KTN1: variants seen among roughly 807,000 people sequenced by gnomAD.
KTN1 encodes kinectin 1.
In KTN1, 130 loss-of-function variants were observed where a neutral mutation model predicts 222.5. That is an observed-to-expected ratio of 0.58 (90% CI 0.51 to 0.68). The LOEUF (loss-of-function observed/expected upper bound fraction) is 0.68. Ranked by LOEUF, KTN1 falls within the 30% of genes least tolerant of loss-of-function variation. The pLI is 0.00. For missense variants in KTN1, 1,508 were observed against 1,500.4 expected (o/e 1.01, Z -0.08); for synonymous variants, 512 against 496.3 (o/e 1.03, Z -0.42).
chr14:55,628,052 G>A, intron 6 of KTN1, 24 bp downstream of exon 6: 1 of 1,352,878 alleles, frequency 7.4e-7, no homozygotes, highest in African/African-American at 1.4e-5. Context: ...TATGTACGAG[G>A]GATATACTTC....
intron 1 of KTN1, among the ~76,000 whole-genome samples, chr14:55,593,677 C>T (rs1196649361): frequency 6.6e-6 from 1 of 151,858 alleles, no homozygotes; most frequent in East Asian, 1.9e-4. Context: ...GGAACGTGAA[C>T]GAACACTAGC....
intron 1 of KTN1, among the ~76,000 whole-genome samples, chr14:55,582,836 C>T (rs1208811679): frequency 6.6e-6 from 1 of 152,052 alleles, no homozygotes; most frequent in Non-Finnish European, 1.5e-5. Flanking sequence ...TGAGAATACA[C>T]CTTATGACCT....
intron 1 of KTN1, among the ~76,000 whole-genome samples, chr14:55,594,307 A>C (rs1212176689): frequency 6.6e-6 from 1 of 152,082 alleles, no homozygotes; most frequent in Non-Finnish European, 1.5e-5. Context: ...CAAATCTTTT[A>C]ATCTTGTTGA....
At chr14:55,589,308 C>A (rs1234794454) in intron 1 of KTN1, among the ~76,000 whole-genome samples, 2 of 151,782 alleles carry the variant, frequency 1.3e-5, no homozygotes, top group Admixed American at 1.3e-4. Context: ...TAAAGAGATT[C>A]TTTTTTTTGA....
intron 28 of KTN1, 36 bp downstream of exon 28, chr14:55,653,632 C>T (rs758367304): frequency 6.7e-7 from 1 of 1,495,714 alleles, no homozygotes; most frequent in South Asian, 1.1e-5. Context: ...TGAAGAGAAA[C>T]AAACGTCTCA....
chr14:55,640,380 C>T lies in KTN1; in HGVS notation c.1921C>T (p.Gln641Ter), dbSNP rs1316209302. ...CTATTTTTCCTTGTTCTAGGATATA[C>T]AGAATATGAATTTCTTATTAAAAGC... is the stretch of plus-strand genomic sequence containing the variant. Reference protein sequence around the residue: ...TSKEEELKDIQNMNFLLKAEV... With the variant: ...TSKEEELKDI The change falls in exon 15 of 44, where the codon CAG (glutamine) becomes TAG (stop). Residue 641 changes from glutamine to a stop codon, truncating the protein, a stop_gained. Transcript: ENST00000395314. LOFTEE classifies it high-confidence loss of function. The T allele has an allele frequency of 6.3e-7, 1 of 1,592,110 alleles. No individual in the cohort carries two copies. Among genetic ancestry groups the T allele is most frequent in the Admixed American group, 1.7e-5 (1 of 58,740 alleles).
In KTN1 at chr14:55,622,703, A is replaced by T. The variant is rs536426653; in HGVS notation, c.963+3391A>T. 7.9e-5 allele frequency among the ~76,000 whole-genome samples: 12 copies of T among 152,298 alleles called. No homozygotes were observed. The East Asian group carries it at 2.1e-3, about 27-fold the overall frequency. ...CATGACCTTTCACCTGATTACCTAC[A>T]GTAGTCTCCAGATTGATGTTTCTGC... On this transcript the variant is annotated intron_variant, in intron 5 of 43. Transcript: ENST00000395314.
chr14:55,656,204 T>C, intron 29 of KTN1, 72 bp downstream of exon 29: 1 of 1,035,236 alleles, frequency 9.7e-7, no homozygotes, highest in Non-Finnish European at 1.4e-6. Context: ...AATTTTTAAC[T>C]GCTGCCAAAA....
intron 7 of KTN1, among the ~76,000 whole-genome samples, chr14:55,631,926 A>AT (rs912818498): frequency 5.3e-5 from 8 of 151,498 alleles, no homozygotes; most frequent in East Asian, 1.9e-4. Context: ...TTGGTACCAG[A>AT]TTTTTTTTTG....
intron 28 of KTN1, among the ~76,000 whole-genome samples, chr14:55,654,783 T>C (rs2043296047): frequency 6.6e-6 from 1 of 152,174 alleles, no homozygotes; most frequent in Admixed American, 6.5e-5. Context: ...GACATGTATC[T>C]ATCATTACAG....
intron 24 of KTN1, 42 bp from the exon 25 acceptor site, chr14:55,651,848 T>G (rs1566801969): frequency 1.5e-6 from 2 of 1,292,448 alleles, no homozygotes; most frequent in Non-Finnish European, 2.2e-6. Context: ...TAAGTTAAAT[T>G]GAAAGGATTA....
At chr14:55,584,222 A>G (rs1328982394) in intron 1 of KTN1, among the ~76,000 whole-genome samples, 3 of 150,868 alleles carry the variant, frequency 2.0e-5, no homozygotes, top group Non-Finnish European at 4.5e-5. Context: ...CCTTACCTCT[A>G]AGGTTAGCTA....
At chr14:55,646,467 TTCC>T (rs1442340298) in intron 18 of KTN1, among the ~76,000 whole-genome samples, 3,627 of 36,094 alleles carry the variant, frequency 0.1, 321 homozygotes, top group South Asian at 0.18. Flanking sequence ...TCCTTTTCCT[TTCC>T]TTTCCTTTCC....
rs115437517 is a variant in KTN1, at chr14:55,680,193, C to T, written c.4069+508C>T. 6.7e-3 allele frequency: 1,062 copies of T among 158,066 alleles called. 11 individuals carry two copies. The highest frequency in any genetic ancestry group is 0.022 in the African/African-American group (928 of 41,546). The allele number at this position is 158,066 out of a possible 1,614,324, so 9.8% of individuals were successfully genotyped here. A position where few individuals can be genotyped will look rare whatever the true frequency, so the allele number is the denominator to read the frequency against. On this transcript the variant is annotated intron_variant, in intron 43 of 43. Transcript: ENST00000395314. ...CTTTTGTTAGGTAATCTAAGAAATT[C>T]GTTCATTAGCTCCTGAAGTGAGATT...
chr14:55,667,555 G>T, intron 34 of KTN1: 2 of 288,506 alleles, frequency 6.9e-6, no homozygotes, highest in East Asian at 6.1e-5. Context: ...AGACATTAGA[G>T]GATTAAAAAC....
intron 25 of KTN1, among the ~76,000 whole-genome samples, chr14:55,652,620 T>C (rs182206239): frequency 1.1e-3 from 169 of 152,228 alleles, no homozygotes; most frequent in East Asian, 2.1e-3. Context: ...AGGATGGTCT[T>C]GATCTCCTGA....
At chr14:55,596,241 TTGTC>T in intron 1 of KTN1, among the ~76,000 whole-genome samples, 2 of 151,962 alleles carry the variant, frequency 1.3e-5, no homozygotes, top group East Asian at 1.9e-4. Flanking sequence ...TTTAGTAACA[TTGTC>T]TGGATTTACC....
At chr14:55,664,092 G>T (rs751850220) in intron 33 of KTN1, 51 bp downstream of exon 33, 1 of 1,222,788 alleles carries the variant, frequency 8.2e-7, no homozygotes, top group Non-Finnish European at 1.2e-6. Context: ...AAAATCTGCA[G>T]CTTGTCTTAA....
At chr14:55,609,087 T>C (rs1417052698) in intron 1 of KTN1, among the ~76,000 whole-genome samples, 1 of 151,588 alleles carries the variant, frequency 6.6e-6, no homozygotes. Flanking sequence ...GTTTATTACA[T>C]AGGTATATGT....
Sources: gnomAD v4.1 joint callset for allele counts (sites outside exome capture counted in the v4.1 genomes callset) on GRCh38, gnomAD v4.1.1 for gene constraint, MANE v1.5 for transcripts, NCBI Gene and HGNC (gene_info 2026-07-23, HGNC 2026-07-21) for gene names.